Variants in NCOR2 observed in about 807,000 individuals in gnomAD.
NCOR2 encodes the protein CTG repeat protein 26.
A neutral mutation model predicts 262.9 loss-of-function variants in NCOR2; 81 were observed. That is an observed-to-expected ratio of 0.31 (90% CI 0.26 to 0.37). NCOR2 has a LOEUF of 0.37. Among genes scored for constraint, NCOR2 ranks in the 10% least tolerant of loss-of-function variants. NCOR2 has a pLI of 1.00. For missense variants in NCOR2, 3,385 were observed against 3,621.4 expected (o/e 0.93, Z 1.68); for synonymous variants, 1,659 against 1,559.3 (o/e 1.06, Z -1.51).
At chr12:124,413,232 G>A (rs533632759) in intron 13 of NCOR2, among the ~76,000 whole-genome samples, 73 of 152,304 alleles carry the variant, frequency 4.8e-4, no homozygotes, top group African/African-American at 1.7e-3. Context: ...AGGGGCGGTC[G>A]TGCCCACTCC....
At chr12:124,396,713 G>A (rs1224721163) in intron 16 of NCOR2, among the ~76,000 whole-genome samples, 2 of 152,090 alleles carry the variant, frequency 1.3e-5, no homozygotes, top group Non-Finnish European at 2.9e-5. Flanking sequence ...AGCTCTGAGG[G>A]CGAGGGGCAG....
intron 1 of NCOR2, among the ~76,000 whole-genome samples, chr12:124,526,655 G>A (rs893185021): frequency 5.3e-5 from 8 of 152,238 alleles, no homozygotes; most frequent in South Asian, 4.1e-4. Flanking sequence ...CCTCTCCCCC[G>A]CGGACAGACA....
At chr12:124,441,069 T>C (rs1054293648) in intron 7 of NCOR2, among the ~76,000 whole-genome samples, 2 of 152,142 alleles carry the variant, frequency 1.3e-5, no homozygotes, top group African/African-American at 4.8e-5. Flanking sequence ...TTTGGTCTTT[T>C]ATGCAAAAGA....
At chr12:124,496,982 C>G (rs2048413359), upstream of NCOR2, among the ~76,000 whole-genome samples, 1 of 152,226 alleles carries the variant, frequency 6.6e-6, no homozygotes, top group Non-Finnish European at 1.5e-5. This position sits in a 1 kb window ranked among gnomAD's most constrained non-coding sequence, Gnocchi z 4.4. Flanking sequence ...CCCACGCCCA[C>G]CGGCAGGAAG....
At chr12:124,347,877 G>A in exon 30 of NCOR2, 1 of 1,567,576 alleles carries the variant, frequency 6.4e-7, no homozygotes, top group Non-Finnish European at 8.7e-7. Flanking sequence ...GGTGGGGGCT[G>A]TGTCGCTCCG....
chr12:124,429,533 G>A, intron 10 of NCOR2, 80 bp downstream of exon 12: 2 of 1,459,438 alleles, frequency 1.4e-6, no homozygotes. Flanking sequence ...CCGGGAGGTG[G>A]TTTCTGGCTA....
At chr12:124,466,322 C>T in intron 4 of NCOR2, 36 bp from the exon 7 acceptor site, 1 of 1,583,986 alleles carries the variant, frequency 6.3e-7, no homozygotes, top group Non-Finnish European at 8.6e-7. Context: ...GATGAGCACC[C>T]CAGCGGGCGG....
At chr12:124,352,557 G>C (rs892395771) in intron 27 of NCOR2, among the ~76,000 whole-genome samples, 3 of 152,056 alleles carry the variant, frequency 2.0e-5, no homozygotes, top group Non-Finnish European at 2.9e-5. Context: ...ATTTTCTGTA[G>C]AGACAGGCCT....
chr12:124,484,862 C>T (rs1299454708), intron 2 of NCOR2, among the ~76,000 whole-genome samples: 1 of 152,236 alleles, frequency 6.6e-6, no homozygotes, highest in Non-Finnish European at 1.5e-5. Context: ...TCATGGCTGT[C>T]CCCAGGTACT....
chr12:124,436,059 T>G (rs2044320067), intron 8 of NCOR2, among the ~76,000 whole-genome samples: 1 of 152,242 alleles, frequency 6.6e-6, no homozygotes, highest in South Asian at 2.1e-4. Context: ...GACCTGTCCC[T>G]GCAGCCTGCA....
chr12:124,474,186 G>A (rs2046973556), intron 3 of NCOR2, among the ~76,000 whole-genome samples: 1 of 152,204 alleles, frequency 6.6e-6, no homozygotes, highest in African/African-American at 2.4e-5. Context: ...CATCCATGAA[G>A]CTCAGTCCAA....
chr12:124,476,600 G>A (rs921260006), intron 3 of NCOR2, among the ~76,000 whole-genome samples: 3 of 152,194 alleles, frequency 2.0e-5, no homozygotes, highest in African/African-American at 4.8e-5. Flanking sequence ...GCAGCACCAG[G>A]AGTAAAAGCA....
chr12:124,495,831 C>A (rs1182574927), upstream of NCOR2, among the ~76,000 whole-genome samples: 1 of 152,178 alleles, frequency 6.6e-6, no homozygotes, highest in African/African-American at 2.4e-5. The surrounding 1 kb of genome is among the most constrained non-coding windows in gnomAD (Gnocchi z 4.4). Flanking sequence ...CCAGCTCAGG[C>A]GGGCCACGGG....
chr12:124,500,160 G>A (rs1269458190), upstream of NCOR2, among the ~76,000 whole-genome samples: 3 of 144,586 alleles, frequency 2.1e-5, no homozygotes, highest in East Asian at 6.2e-4. Flanking sequence ...ATCTCAGGTG[G>A]CCGGGATACC....
In NCOR2 at chr12:124,560,007, G is replaced by A. The variant is rs199579494; in HGVS notation, c.-165+7301C>T. ...CTCTTTCCTACTGCATTCTACAACAGCAAATTATAACCATGAGCATCAGCG... is the reference window on the plus strand; with the variant it reads ...CTCTTTCCTACTGCATTCTACAACAACAAATTATAACCATGAGCATCAGCG... On this transcript the variant is annotated intron_variant, in intron 1 of 32. Coordinates refer to the NCOR2 transcript ENST00000458234. Among the ~76,000 whole-genome samples the A allele has an allele frequency of 2.6e-5, 4 of 152,188 alleles. No homozygotes were observed. In the East Asian group the frequency reaches 7.7e-4, roughly 29 times the overall value.
At position 124,549,548 on chromosome 12, in the gene NCOR2, G is replaced by A. The variant is rs1335694330; in HGVS notation, c.-164-13937C>T. 2.0e-5 allele frequency among the ~76,000 whole-genome samples: 3 copies of A among 152,062 alleles called. No individual in the cohort carries two copies. Among genetic ancestry groups the A allele is most frequent in the South Asian group, 2.1e-4 (1 of 4,812 alleles). ...CAAGGGCTTCTGCCCCAGCGCCGGG[G>A]CACAGCGGGCTGAGGGAGCCCCAGG... On this transcript the variant is annotated intron_variant, in intron 1 of 32. Coordinates refer to the NCOR2 transcript ENST00000458234. The surrounding 1 kb of genome is among the most constrained non-coding windows in gnomAD (Gnocchi z 4.4).
intron 3 of NCOR2, among the ~76,000 whole-genome samples, chr12:124,475,185 G>A (rs1365678011): frequency 2.5e-4 from 38 of 152,146 alleles, no homozygotes; most frequent in Admixed American, 2.4e-3. Flanking sequence ...CCACACACAC[G>A]GACTCCTCGA....
intron 37 of NCOR2, 108 bp downstream of exon 39, chr12:124,339,898 C>T (rs1480282479): frequency 5.0e-6 from 3 of 596,860 alleles, no homozygotes; most frequent in East Asian, 3.6e-5. Flanking sequence ...CATCTGCCCA[C>T]CCACCCACCT....
chr12:124,495,194 G>A lies in NCOR2; in HGVS notation c.58C>T (p.Pro20Ser), dbSNP rs1171302955. The change falls in exon 1 of 47, where the codon CCG (proline) becomes TCG (serine). Residue 20 changes from proline to serine, a missense_variant. Physicochemically the swap from Pro to Ser is moderately conservative, Grantham distance 74. Coordinates refer to ENST00000405201, the Ensembl canonical transcript of NCOR2. This position sits in a 1 kb window ranked among gnomAD's most constrained non-coding sequence, Gnocchi z 4.4. ...ACTGGGTAGGAAAGGCTGTGGGGCG[G>A]GTAGCGGGGCTCAGTGGCCCTCCAC... The A allele has an allele frequency of 3.7e-6, 6 of 1,613,864 alleles. No homozygotes were observed. The highest frequency in any genetic ancestry group is 5.1e-6 in the Non-Finnish European group (6 of 1,179,970).
Sources: allele counts gnomAD v4.1 joint callset (sites outside exome capture counted in the v4.1 genomes callset), GRCh38; gene constraint gnomAD v4.1.1; non-coding constraint Gnocchi (gnomAD v3.1); transcripts MANE v1.5; gene names NCBI Gene and HGNC (gene_info 2026-07-23, HGNC 2026-07-21).